STXBP5L: variants seen among roughly 807,000 people sequenced by gnomAD.
STXBP5L encodes the protein syntaxin binding protein 5L, also known as syntaxin-binding protein 5-like.
A neutral mutation model predicts 144.5 loss-of-function variants in STXBP5L; 65 were observed. The observed-to-expected ratio is 0.45, with a 90% CI of 0.37 to 0.55. The LOEUF is 0.55. Among genes scored for constraint, STXBP5L ranks in the 20% least tolerant of loss-of-function variants. The pLI, the probability that STXBP5L is intolerant of heterozygous loss-of-function variation, is 0.00. For missense variants in STXBP5L, 1,298 were observed against 1,405.5 expected, an observed-to-expected ratio of 0.92 and a Z score of 1.22; for synonymous variants, 505 against 469.6, an observed-to-expected ratio of 1.08 and a Z score of -0.97.
intron 2 of STXBP5L, among the ~76,000 whole-genome samples, chr3:120,940,824 G>C (rs1323295333): frequency 1.3e-5 from 2 of 151,400 alleles, no homozygotes; most frequent in African/African-American, 4.8e-5. Context: ...CTATATATTG[G>C]TATGTATATA....
intron 3 of STXBP5L, among the ~76,000 whole-genome samples, chr3:120,967,934 T>C (rs937726784): frequency 6.6e-6 from 1 of 152,220 alleles, no homozygotes; most frequent in African/African-American, 2.4e-5. Flanking sequence ...TGTGGTTTAC[T>C]TCTAATTTTA....
chr3:121,371,911 A>G lies in STXBP5L; in HGVS notation c.2177-6805A>G, dbSNP rs546334108. Among the ~76,000 whole-genome samples the G allele has an allele frequency of 2.0e-5, 3 of 152,304 alleles. No individual in the cohort carries two copies. The South Asian group carries it at 6.2e-4, about 32-fold the overall frequency. ...TGGTGGTACCGCTGGGAGAAGTGGG[A>G]CAAGGTGCACTCCACTGGCAGTAGT... On this transcript the variant is annotated intron_variant, in intron 20 of 26. Transcript: ENST00000471454.
At chr3:121,180,770 A>G (rs899588063) in intron 9 of STXBP5L, among the ~76,000 whole-genome samples, 1 of 152,202 alleles carries the variant, frequency 6.6e-6, no homozygotes, top group African/African-American at 2.4e-5. Flanking sequence ...GCTACTTGGG[A>G]GGCTGAGGCA....
rs939212290 is a variant in STXBP5L at position 121,039,032 on chromosome 3, G to A, written c.288-2668G>A. 4.6e-5 allele frequency among the ~76,000 whole-genome samples: 7 copies of A among 151,734 alleles called. No individual in the cohort carries two copies. In the South Asian group the frequency reaches 8.3e-4, roughly 18 times the overall value. ...GTTTCTGTACAAAGCATATACTTAGGTCTGCATTTTTGTCTTTTCTCACAA... is the reference window on the plus strand; with the variant it reads ...GTTTCTGTACAAAGCATATACTTAGATCTGCATTTTTGTCTTTTCTCACAA... On this transcript the variant is annotated intron_variant, in intron 3 of 26. Transcript: ENST00000471454.
chr3:121,093,926 T>C (rs2042968655), intron 5 of STXBP5L, among the ~76,000 whole-genome samples: 1 of 152,216 alleles, frequency 6.6e-6, no homozygotes, highest in Non-Finnish European at 1.5e-5. Context: ...TACATTTCCC[T>C]CTACACACTG....
intron 3 of STXBP5L, among the ~76,000 whole-genome samples, chr3:121,005,960 C>G (rs1280254743): frequency 6.6e-6 from 1 of 152,074 alleles, no homozygotes; most frequent in East Asian, 1.9e-4. Context: ...CTGAGGAGTG[C>G]TTTACTTCCA....
intron 20 of STXBP5L, among the ~76,000 whole-genome samples, chr3:121,360,453 G>A (rs1469616112): frequency 2.0e-5 from 3 of 151,772 alleles, no homozygotes; most frequent in Non-Finnish European, 4.4e-5. Flanking sequence ...TTGTTTTCTG[G>A]TTGTTTTGTG....
intron 20 of STXBP5L, among the ~76,000 whole-genome samples, chr3:121,323,421 C>A (rs773652719): frequency 6.6e-6 from 1 of 151,978 alleles, no homozygotes; most frequent in Admixed American, 6.6e-5. Context: ...CTTCCTTATA[C>A]CACAGTGAAC....
chr3:121,170,668 A>G (rs2046675528), intron 9 of STXBP5L, among the ~76,000 whole-genome samples: 1 of 152,220 alleles, frequency 6.6e-6, no homozygotes, highest in South Asian at 2.1e-4. Context: ...TGAACAGACC[A>G]ATTACAAGTT....
chr3:121,095,544 A>T (rs1030459506), intron 5 of STXBP5L, among the ~76,000 whole-genome samples: 1 of 152,158 alleles, frequency 6.6e-6, no homozygotes, highest in Non-Finnish European at 1.5e-5. Context: ...TTTGGTCTTC[A>T]ATCACTGATA....
chr3:120,938,328 T>G (rs660224), intron 2 of STXBP5L, among the ~76,000 whole-genome samples: 150,002 of 152,226 alleles, frequency 0.99, 73,913 homozygotes, highest in East Asian at 1. Context: ...ATTTAAATCA[T>G]TACTCAATTA....
intron 20 of STXBP5L, among the ~76,000 whole-genome samples, chr3:121,335,656 A>C (rs1401898211): frequency 3.3e-5 from 5 of 151,840 alleles, no homozygotes; most frequent in Non-Finnish European, 7.4e-5. Flanking sequence ...ACACACCTAC[A>C]ACCATCTGAT....
intron 7 of STXBP5L, among the ~76,000 whole-genome samples, chr3:121,146,612 T>C (rs1453387163): frequency 1.3e-5 from 2 of 148,642 alleles, no homozygotes; most frequent in Non-Finnish European, 3.0e-5. Context: ...ATTTTAAACT[T>C]ACAGATGTAG....
intron 5 of STXBP5L, among the ~76,000 whole-genome samples, chr3:121,101,650 G>A (rs2043433067): frequency 6.6e-6 from 1 of 152,018 alleles, no homozygotes; most frequent in African/African-American, 2.4e-5. Context: ...AAAGCTGAAA[G>A]CATTCCCCTT....
intron 5 of STXBP5L, among the ~76,000 whole-genome samples, chr3:121,101,945 A>G (rs2043447607): frequency 6.6e-6 from 1 of 152,042 alleles, no homozygotes; most frequent in Admixed American, 6.6e-5. Context: ...AACCAAACAA[A>G]GAAAACAATC....
At chr3:120,946,110 C>A (rs1710844169) in intron 2 of STXBP5L, among the ~76,000 whole-genome samples, 1 of 151,596 alleles carries the variant, frequency 6.6e-6, no homozygotes, top group South Asian at 2.1e-4. Context: ...ACTTGGTGAT[C>A]TAATATTTAC....
At chr3:121,345,688 A>G (rs1264210869) in intron 20 of STXBP5L, among the ~76,000 whole-genome samples, 2 of 152,078 alleles carry the variant, frequency 1.3e-5, no homozygotes, top group African/African-American at 2.4e-5. Context: ...CTGACTTTTT[A>G]ATGACTGCCA....
At chr3:121,187,481 C>T (rs2047439352) in intron 9 of STXBP5L, among the ~76,000 whole-genome samples, 1 of 151,010 alleles carries the variant, frequency 6.6e-6, no homozygotes, top group Non-Finnish European at 1.5e-5. Flanking sequence ...ATGGGTGCAG[C>T]ATACCAACAT....
rs750526682 is a variant in STXBP5L, at chr3:121,067,872, G to T, written c.470+22337G>T. On this transcript the variant is annotated intron_variant, in intron 5 of 26. Coordinates refer to ENST00000471454, the MANE Select transcript of STXBP5L (RefSeq NM_001308330.2). ...TCTCTGTAGTAATATATCTTGTCTT[G>T]AAATATACATTGATATTTGCATAGC... 2.0e-5 allele frequency among the ~76,000 whole-genome samples: 3 copies of T among 152,086 alleles called. No homozygotes were observed. In the East Asian group the frequency reaches 5.8e-4, roughly 29 times the overall value.
Sources: gnomAD v4.1 joint callset for allele counts (sites outside exome capture counted in the v4.1 genomes callset) on GRCh38, gnomAD v4.1.1 for gene constraint, MANE v1.5 for transcripts, NCBI Gene and HGNC (gene_info 2026-07-23, HGNC 2026-07-21) for gene names.